The following RSPO2 variants were observed in gnomAD, a reference collection of about 807,000 sequenced individuals.
RSPO2 encodes R-spondin-2.
In RSPO2, 14 loss-of-function variants were observed where a neutral mutation model predicts 30.9. The observed-to-expected ratio is 0.45, with a 90% CI of 0.30 to 0.71. RSPO2 has a LOEUF of 0.71. RSPO2 is among the 30% of genes least tolerant of loss of function. The pLI is 0.08. For synonymous variants in RSPO2, 107 were observed against 96.4 expected (o/e 1.11, Z -0.64); for missense variants, 264 against 301.9 (o/e 0.87, Z 0.93).
In RSPO2 at chr8:107,899,526, C is replaced by T. The variant is rs1811373578; in HGVS notation, c.*1549G>A. The T allele has an allele frequency of 6.6e-6, 1 of 152,178 alleles. No individual in the cohort carries two copies. Among genetic ancestry groups the T allele is most frequent in the Non-Finnish European group, 1.5e-5 (1 of 67,992 alleles). The allele number at this position is 152,178 out of a possible 1,614,324, so 9.4% of individuals were successfully genotyped here. ...TCATATGTGGCTTATTATCTCATAGCAATATTTTCATAACGATGTATATGA... is the reference window on the plus strand; with the variant it reads ...TCATATGTGGCTTATTATCTCATAGTAATATTTTCATAACGATGTATATGA... On this transcript the variant is annotated 3_prime_UTR_variant, in exon 6 of 6. Coordinates refer to ENST00000276659, the MANE Select transcript of RSPO2 (RefSeq NM_178565.5).
At chr8:108,066,778 A>G (rs562194798) in intron 2 of RSPO2, among the ~76,000 whole-genome samples, 18 of 152,340 alleles carry the variant, frequency 1.2e-4, no homozygotes, top group African/African-American at 3.8e-4. Context: ...AAAAATCACT[A>G]TTTTGCAACC....
At chr8:108,059,561 A>C (rs1380557856) in intron 2 of RSPO2, among the ~76,000 whole-genome samples, 1 of 150,470 alleles carries the variant, frequency 6.6e-6, no homozygotes, top group Non-Finnish European at 1.5e-5. Context: ...ACGTATGTTT[A>C]TTGCGGCACT....
chr8:108,004,855 C>T (rs1443383125), intron 2 of RSPO2, among the ~76,000 whole-genome samples: 1 of 152,122 alleles, frequency 6.6e-6, no homozygotes, highest in Non-Finnish European at 1.5e-5. Context: ...AAAGACATTG[C>T]TTTACATCAA....
In RSPO2 at chr8:108,003,016, A is replaced by C. The variant is rs1171781511; in HGVS notation, c.95-13772T>G. On this transcript the variant is annotated intron_variant, in intron 2 of 5. Transcript: ENST00000276659. ...TTAACAAAAATCAGAATGATTACTGAATCTCCAGACTTGCACAGAATTTAG... is the reference window on the plus strand; with the variant it reads ...TTAACAAAAATCAGAATGATTACTGCATCTCCAGACTTGCACAGAATTTAG... 4.0e-5 allele frequency among the ~76,000 whole-genome samples: 6 copies of C among 151,544 alleles called. No homozygotes were observed. In the East Asian group the frequency reaches 7.7e-4, roughly 20 times the overall value.
At chr8:108,032,974 C>T (rs993731485) in intron 2 of RSPO2, among the ~76,000 whole-genome samples, 11 of 142,722 alleles carry the variant, frequency 7.7e-5, no homozygotes, top group Admixed American at 3.0e-4. Context: ...GGCATGAACC[C>T]GGGAGGCGAA....
At chr8:107,905,921 C>A (rs1230386892) in intron 5 of RSPO2, among the ~76,000 whole-genome samples, 1 of 151,756 alleles carries the variant, frequency 6.6e-6, no homozygotes, top group Non-Finnish European at 1.5e-5. Context: ...GAGACCTAAA[C>A]AATTCATAAA....
chr8:107,928,492 C>T (rs1422217923), intron 5 of RSPO2, among the ~76,000 whole-genome samples: 1 of 152,092 alleles, frequency 6.6e-6, no homozygotes, highest in Non-Finnish European at 1.5e-5. Context: ...TTTTGATTCC[C>T]TTTAGTAAAG....
chr8:108,082,302 G>A lies in RSPO2; in HGVS notation c.94+243C>T, dbSNP rs527782027. The stretch of plus-strand genomic sequence containing the variant: ...CCGCACGACTTAGCCCTGAGCGCCC[G>A]ATTGGCGCCCGGCTCGCCGAGCTCC... On this transcript the variant is annotated intron_variant, in intron 2 of 5. Coordinates refer to ENST00000276659, the MANE Select transcript of RSPO2 (RefSeq NM_178565.5). 3.5e-4 allele frequency among the ~76,000 whole-genome samples: 53 copies of A among 152,348 alleles called. 1 individual carries two copies. The highest frequency in any genetic ancestry group is 1.3e-3 in the African/African-American group (52 of 41,596).
At chr8:107,923,608 C>A (rs1812257886) in intron 5 of RSPO2, among the ~76,000 whole-genome samples, 1 of 152,136 alleles carries the variant, frequency 6.6e-6, no homozygotes, top group African/African-American at 2.4e-5. Context: ...ATCATAAAGA[C>A]ACATGCACTC....
intron 2 of RSPO2, among the ~76,000 whole-genome samples, chr8:108,035,779 T>G (rs1345773967): frequency 2.0e-5 from 3 of 152,168 alleles, no homozygotes; most frequent in African/African-American, 7.2e-5. Context: ...AAATTTTTGA[T>G]TCCTAGACAT....
At chr8:107,958,593 A>G (rs181726081) in intron 4 of RSPO2, among the ~76,000 whole-genome samples, 1 of 152,332 alleles carries the variant, frequency 6.6e-6, no homozygotes, top group Non-Finnish European at 1.5e-5. Context: ...GGTTTGTTAC[A>G]TAGGTAAACA....
chr8:107,930,785 A>G (rs668941), intron 5 of RSPO2, among the ~76,000 whole-genome samples: 83,023 of 151,960 alleles, frequency 0.55, 24,417 homozygotes, highest in East Asian at 0.7. Context: ...ACATACCACC[A>G]CCAGATCAAC....
intron 5 of RSPO2, among the ~76,000 whole-genome samples, chr8:107,917,345 C>G (rs1486004043): frequency 6.6e-6 from 1 of 151,954 alleles, no homozygotes; most frequent in Non-Finnish European, 1.5e-5. Context: ...ATTAGCCGAG[C>G]ATGGTGGTGG....
intron 3 of RSPO2, among the ~76,000 whole-genome samples, chr8:107,961,644 G>A (rs1286133173): frequency 6.6e-6 from 1 of 152,082 alleles, no homozygotes; most frequent in East Asian, 1.9e-4. Flanking sequence ...TACCAGCTCT[G>A]TAACTTTAGA....
chr8:108,014,930 A>G (rs528243976), intron 2 of RSPO2, among the ~76,000 whole-genome samples: 4 of 152,316 alleles, frequency 2.6e-5, no homozygotes, highest in African/African-American at 4.8e-5. Context: ...AACACTGCAG[A>G]AAAGCATGCA....
At chr8:108,076,710 T>C (rs982206874) in intron 2 of RSPO2, among the ~76,000 whole-genome samples, 1 of 151,904 alleles carries the variant, frequency 6.6e-6, no homozygotes, top group African/African-American at 2.4e-5. Context: ...TATCTATCCA[T>C]ATTGGCAGTA....
Position 108,011,596 on chromosome 8 carries a change from G to A in RSPO2, c.95-22352C>T, listed in dbSNP as rs570313375. Reference sequence around the variant, plus strand: ...ACCAAAGTACATGGATTATTTCTTAGTTTTTGCTTTAAAAGTTGTCCAGTG... The same window carrying A: ...ACCAAAGTACATGGATTATTTCTTAATTTTTGCTTTAAAAGTTGTCCAGTG... On this transcript the variant is annotated intron_variant, in intron 2 of 5. Coordinates refer to ENST00000276659, the MANE Select transcript of RSPO2 (RefSeq NM_178565.5). 2.6e-5 allele frequency among the ~76,000 whole-genome samples: 4 copies of A among 152,244 alleles called. No homozygotes were observed. In the South Asian group the frequency reaches 8.3e-4, roughly 32 times the overall value.
At chr8:107,984,004 A>ATAATACAG in intron 3 of RSPO2, 1 of 698,016 alleles carries the variant, frequency 1.4e-6, no homozygotes. Flanking sequence ...AAAAGAGGAA[A>ATAATACAG]TAATACAGTA....
At chr8:107,923,464 T>A (rs1812251426) in intron 5 of RSPO2, among the ~76,000 whole-genome samples, 1 of 152,202 alleles carries the variant, frequency 6.6e-6, no homozygotes, top group Non-Finnish European at 1.5e-5. Context: ...TATACACTGT[T>A]GGTGGGAGTA....
Sources: allele counts gnomAD v4.1 joint callset (sites outside exome capture counted in the v4.1 genomes callset), GRCh38; gene constraint gnomAD v4.1.1; transcripts MANE v1.5; gene names NCBI Gene and HGNC (gene_info 2026-07-23, HGNC 2026-07-21).